COL28A1: variants seen among roughly 807,000 people sequenced by gnomAD.
COL28A1 encodes the protein collagen type XXVIII alpha 1 chain, also known as collagen alpha-1(XXVIII) chain.
In COL28A1, 161 loss-of-function variants were observed where a neutral mutation model predicts 150.2. The observed-to-expected ratio is 1.07, with a 90% CI of 0.94 to 1.22. COL28A1 has a LOEUF of 1.22. Ranked by LOEUF, COL28A1 falls within the 50% of genes most tolerant of loss-of-function variation. The pLI is 0.00. For synonymous variants in COL28A1, 552 were observed against 469.7 expected (o/e 1.18, Z -2.26); for missense variants, 1,617 against 1,388.3 (o/e 1.16, Z -2.62).
intron 13 of COL28A1, among the ~76,000 whole-genome samples, chr7:7,484,728 C>T (rs1236141863): frequency 6.6e-6 from 1 of 152,020 alleles, no homozygotes; most frequent in Non-Finnish European, 1.5e-5. Context: ...TAGGAATCAA[C>T]CTAAATGCCC....
Position 7,437,404 on chromosome 7 carries a change from G to A in COL28A1, c.1781C>T (p.Pro594Leu), listed in dbSNP as rs1030052568. ...GMPGTSIPGP[P>L]GPKGDRGGPG... ...TCCAAGAATATATACCTTTGGCCCA[G>A]GTGGTCCAGGAATTGATGTTCCAGG... is the stretch of plus-strand genomic sequence containing the variant. Residue 594 changes from proline to leucine, a missense_variant, in exon 22 of 35, where the codon CCT (proline) becomes CTT (leucine). Coordinates refer to ENST00000399429, the MANE Select transcript of COL28A1 (RefSeq NM_001037763.3). 6.2e-7 allele frequency: 1 copy of A among 1,613,232 alleles called. No homozygotes were observed. Among genetic ancestry groups the A allele is most frequent in the South Asian group, 1.1e-5 (1 of 90,856 alleles).
At chr7:7,369,028 T>C (rs113905199) in intron 33 of COL28A1, among the ~76,000 whole-genome samples, 292 of 152,342 alleles carry the variant, frequency 1.9e-3, no homozygotes, top group African/African-American at 6.7e-3. Context: ...CAATACATGC[T>C]ATTGGAATTC....
In COL28A1 at chr7:7,474,630, AT is replaced by A. The variant is rs1205231224; in HGVS notation, c.1272del (p.Leu425TyrfsTer13). 1 of 1,429,754 alleles carries A rather than the reference AT, an allele frequency of 7.0e-7. No individual in the cohort carries two copies. Among genetic ancestry groups the A allele is most frequent in the Non-Finnish European group, 9.9e-7 (1 of 1,012,436 alleles). 88.6% of individuals were successfully genotyped at this position (1,429,754 alleles called of 1,614,324 possible). A position where few individuals can be genotyped will look rare whatever the true frequency, so the allele number is the denominator to read the frequency against. ...TCCCCTTTGATTGACAGGCCTTGTAATCCCTGTGGGCCAGTTGGTCCTTCAG... is the reference window on the plus strand; with the variant it reads ...TCCCCTTTGATTGACAGGCCTTGTAACCCTGTGGGCCAGTTGGTCCTTCAG... Reference protein sequence around the residue: ...KGSEGPTGPQGLQGLSIKGEK... With the variant: ...KGSEGPTGPQXLQGLSIKGEK... On this transcript the variant is annotated frameshift_variant, in exon 15 of 35. Transcript: ENST00000399429. LOFTEE classifies it high-confidence loss of function.
Position 7,373,502 on chromosome 7 carries a change from CA to C in COL28A1, c.2403del (p.Phe801LeufsTer2). On this transcript the variant is annotated frameshift_variant, in exon 32 of 35. Coordinates refer to ENST00000399429, the MANE Select transcript of COL28A1 (RefSeq NM_001037763.3). LOFTEE classifies it high-confidence loss of function. This position sits in a 1 kb window ranked among gnomAD's most constrained non-coding sequence, Gnocchi z 4.1. Reference protein sequence around the residue: ...KCKETPLELVFVIDSSESVGP... With the variant: ...KCKETPLELVXVIDSSESVGP... ...CCCACGCTTTCTGAGCTGTCGATCA[CA>C]AACACCAGCTCTAGTGGAGTCTCTT... 1 of 1,613,882 alleles carries C rather than the reference CA, an allele frequency of 6.2e-7. No homozygotes were observed. Among genetic ancestry groups the C allele is most frequent in the South Asian group, 1.1e-5 (1 of 91,080 alleles).
chr7:7,454,544 G>A (rs1786986520), intron 16 of COL28A1, among the ~76,000 whole-genome samples: 1 of 152,020 alleles, frequency 6.6e-6, no homozygotes, highest in South Asian at 2.1e-4. Flanking sequence ...AAAGAAGTCC[G>A]AGACTTTTGT....
At chr7:7,456,021 G>T (rs1417266260) in intron 16 of COL28A1, 23 bp downstream of exon 16, 11 of 1,613,612 alleles carry the variant, frequency 6.8e-6, no homozygotes, top group Non-Finnish European at 8.5e-6. Context: ...GCACTGAAGG[G>T]AAAGGAAGAA....
At chr7:7,408,014 T>C (rs1219580777) in intron 27 of COL28A1, among the ~76,000 whole-genome samples, 2 of 152,078 alleles carry the variant, frequency 1.3e-5, no homozygotes, top group African/African-American at 4.8e-5. Context: ...CAATATCCTA[T>C]TCTCTTTTCT....
At chr7:7,378,061 T>C (rs1781659601) in intron 30 of COL28A1, among the ~76,000 whole-genome samples, 1 of 152,094 alleles carries the variant, frequency 6.6e-6, no homozygotes, top group African/African-American at 2.4e-5. Context: ...CTGAGTCTCA[T>C]ACGTCTATAA....
intron 27 of COL28A1, among the ~76,000 whole-genome samples, chr7:7,385,686 T>C (rs1782142791): frequency 6.6e-6 from 1 of 152,146 alleles, no homozygotes; most frequent in Non-Finnish European, 1.5e-5. Flanking sequence ...GGAAAAAACA[T>C]TAGAGTAGCA....
intron 23 of COL28A1, among the ~76,000 whole-genome samples, chr7:7,434,959 T>G (rs958503549): frequency 6.6e-6 from 1 of 152,176 alleles, no homozygotes; most frequent in African/African-American, 2.4e-5. Flanking sequence ...AAAATGAAAT[T>G]AATGTGCTAA....
downstream of COL28A1, among the ~76,000 whole-genome samples, chr7:7,354,004 T>C (rs1780291437): frequency 6.6e-6 from 1 of 150,948 alleles, no homozygotes; most frequent in South Asian, 2.1e-4. Context: ...GGAGGACAAC[T>C]AAAGAAGATA....
At chr7:7,433,479 C>T (rs913408968) in intron 23 of COL28A1, among the ~76,000 whole-genome samples, 1 of 151,854 alleles carries the variant, frequency 6.6e-6, no homozygotes, top group Non-Finnish European at 1.5e-5. Flanking sequence ...ACTAAAAATA[C>T]AAAAATTAGC....
intron 18 of COL28A1, among the ~76,000 whole-genome samples, chr7:7,451,463 ATC>A (rs1356968415): frequency 3.3e-5 from 5 of 152,006 alleles, no homozygotes; most frequent in Non-Finnish European, 2.9e-5. Flanking sequence ...CGACCTTGTG[ATC>A]CACCCGCCTT....
rs916904292 is a variant in COL28A1, at chr7:7,429,941, C to CA, written c.1998+2531dup. Among the ~76,000 whole-genome samples the CA allele has an allele frequency of 1.1e-4, 17 of 151,608 alleles. No homozygotes were observed. In the East Asian group the frequency reaches 1.3e-3, roughly 12 times the overall value. On this transcript the variant is annotated intron_variant, in intron 25 of 34. Transcript: ENST00000399429. Reference sequence around the variant, plus strand: ...TCTTCTGGCAGCATATTAGCCATTTCAAAAAAAACAATAGGCAAGATGAAG... The same window carrying CA: ...TCTTCTGGCAGCATATTAGCCATTTCAAAAAAAAACAATAGGCAAGATGAAG...
chr7:7,349,758 A>G, the COL28A1 span, among the ~76,000 whole-genome samples: 1 of 151,834 alleles, frequency 6.6e-6, no homozygotes, highest in African/African-American at 2.4e-5. Flanking sequence ...CATATATTTT[A>G]TCTGTTTTTG....
chr7:7,532,629 A>C (rs1782433333), intron 2 of COL28A1, 123 bp downstream of exon 2: 5 of 1,259,888 alleles, frequency 4.0e-6, no homozygotes, highest in Non-Finnish European at 5.3e-6. Context: ...AATTTTATCA[A>C]AGTAGACTAT....
chr7:7,513,758 G>A (rs1177792994), intron 8 of COL28A1, among the ~76,000 whole-genome samples: 1 of 152,232 alleles, frequency 6.6e-6, no homozygotes, highest in African/African-American at 2.4e-5. Context: ...AGACAGATTT[G>A]TTAGCTATAG....
chr7:7,415,382 C>T (rs1390783061), intron 27 of COL28A1, among the ~76,000 whole-genome samples: 1 of 152,230 alleles, frequency 6.6e-6, no homozygotes, highest in Admixed American at 6.5e-5. Flanking sequence ...TCAGTTCCCT[C>T]CCTTTTGCAG....
chr7:7,496,633 TG>T (rs1278403411), intron 11 of COL28A1, among the ~76,000 whole-genome samples: 1 of 152,230 alleles, frequency 6.6e-6, no homozygotes, highest in Non-Finnish European at 1.5e-5. Context: ...TCCGTATCCC[TG>T]GCACTGATTC....
Sources: allele counts gnomAD v4.1 joint callset (sites outside exome capture counted in the v4.1 genomes callset), GRCh38; gene constraint gnomAD v4.1.1; non-coding constraint Gnocchi (gnomAD v3.1); transcripts MANE v1.5; gene names NCBI Gene and HGNC (gene_info 2026-07-23, HGNC 2026-07-21).